Variants in MICAL2 observed in about 807,000 individuals in gnomAD.
MICAL2 encodes microtubule associated monooxygenase, calponin and LIM domain containing 2.
Under a neutral mutation model 127.3 loss-of-function variants are expected in MICAL2, and 77 were observed. That is an observed-to-expected ratio of 0.60 (90% CI 0.50 to 0.73). The LOEUF is 0.73. MICAL2 is among the 30% of genes least tolerant of loss of function. MICAL2 has a pLI of 0.00. For missense variants in MICAL2, 1,351 were observed against 1,434.4 expected, an observed-to-expected ratio of 0.94 and a Z score of 0.94; for synonymous variants, 570 against 551.1, an observed-to-expected ratio of 1.03 and a Z score of -0.48.
intron 4 of MICAL2, among the ~76,000 whole-genome samples, chr11:12,206,453 A>G (rs3860200): frequency 0.56 from 84,527 of 152,028 alleles, 24,949 homozygotes; most frequent in African/African-American, 0.77. Context: ...TTTATTGAGC[A>G]CCTACTGTGT....
At chr11:12,327,237 G>A (rs964658377) in exon 32 of MICAL2, 4 of 1,550,936 alleles carry the variant, frequency 2.6e-6, no homozygotes, top group African/African-American at 2.7e-5. Flanking sequence ...CAGGGTGTGA[G>A]GCTGGAGAAG....
intron 26 of MICAL2, chr11:12,261,730 T>C: frequency 3.0e-6 from 3 of 985,452 alleles, no homozygotes; most frequent in Non-Finnish European, 3.6e-6. Flanking sequence ...CTGAAATCCT[T>C]GGGAAAAACA....
intron 24 of MICAL2, chr11:12,257,190 G>A: frequency 6.0e-6 from 3 of 498,100 alleles, no homozygotes; most frequent in Non-Finnish European, 1.0e-5. Flanking sequence ...CTGTGGTACG[G>A]CATACCAGGT....
chr11:12,330,877 G>A (rs1388444680), intron 32 of MICAL2, among the ~76,000 whole-genome samples: 5 of 140,028 alleles, frequency 3.6e-5, no homozygotes, highest in Non-Finnish European at 6.2e-5. Flanking sequence ...GAGAGAGAGA[G>A]AGAGACAGAG....
chr11:12,192,423 A>T (rs1277695965), intron 3 of MICAL2, among the ~76,000 whole-genome samples: 1 of 152,126 alleles, frequency 6.6e-6, no homozygotes, highest in Non-Finnish European at 1.5e-5. Flanking sequence ...ATGTCCCCAA[A>T]TGGGATGGAC....
intron 31 of MICAL2, among the ~76,000 whole-genome samples, chr11:12,325,107 GT>G (rs901543753): frequency 6.6e-6 from 1 of 151,744 alleles, no homozygotes; most frequent in African/African-American, 2.4e-5. Flanking sequence ...GTTGTTTTTT[GT>G]TTTTTGGTTT....
intron 8 of MICAL2, 59 bp from the exon 9 acceptor site, chr11:12,220,142 G>A (rs1230628675): frequency 1.1e-5 from 18 of 1,599,058 alleles, no homozygotes; most frequent in East Asian, 4.5e-5. Context: ...CAAGAGGTGG[G>A]TATGAAGGCT....
intron 29 of MICAL2, among the ~76,000 whole-genome samples, chr11:12,306,203 C>T (rs1864107127): frequency 6.6e-6 from 1 of 152,176 alleles, no homozygotes; most frequent in Non-Finnish European, 1.5e-5. Flanking sequence ...GTCACTAATC[C>T]CACATGGCTA....
chr11:12,298,779 T>C (rs1864014393), intron 29 of MICAL2, among the ~76,000 whole-genome samples: 1 of 152,198 alleles, frequency 6.6e-6, no homozygotes, highest in Non-Finnish European at 1.5e-5. Context: ...ATTTGATTAA[T>C]ATTACGAATT....
At chr11:12,345,995 T>C (rs1041582326) in intron 32 of MICAL2, among the ~76,000 whole-genome samples, 31 of 152,354 alleles carry the variant, frequency 2.0e-4, no homozygotes, top group African/African-American at 6.3e-4. Flanking sequence ...TAAAGGTCTG[T>C]CATGTAAAAT....
At chr11:12,179,045 G>T (rs1383094047) in intron 3 of MICAL2, among the ~76,000 whole-genome samples, 1 of 152,096 alleles carries the variant, frequency 6.6e-6, no homozygotes, top group Non-Finnish European at 1.5e-5. Flanking sequence ...CTCCAGTCCA[G>T]TACTGGCCCC....
At chr11:12,311,810 T>G (rs1864177479) in intron 29 of MICAL2, among the ~76,000 whole-genome samples, 1 of 152,218 alleles carries the variant, frequency 6.6e-6, no homozygotes, top group Non-Finnish European at 1.5e-5. Flanking sequence ...AGCTTTTTGT[T>G]TTAATATTGG....
chr11:12,273,718 C>A (rs535312737), upstream of MICAL2, among the ~76,000 whole-genome samples: 7 of 152,076 alleles, frequency 4.6e-5, no homozygotes, highest in Admixed American at 6.6e-5. Flanking sequence ...GCATGGAGAA[C>A]CCAGGTGTTT....
At chr11:12,219,566 G>A (rs1856583702) in intron 8 of MICAL2, among the ~76,000 whole-genome samples, 1 of 147,194 alleles carries the variant, frequency 6.8e-6, no homozygotes, top group African/African-American at 2.5e-5. Flanking sequence ...GCTACGCTGT[G>A]AGAGCCCTCG....
At chr11:12,244,923 GTAC>G (rs1278178661) in intron 21 of MICAL2, among the ~76,000 whole-genome samples, 1 of 152,240 alleles carries the variant, frequency 6.6e-6, no homozygotes, top group Non-Finnish European at 1.5e-5. Flanking sequence ...TGTTCTAGAA[GTAC>G]AGCTCAGACA....
chr11:12,267,387 GCCCA>G (rs1368441996), downstream of MICAL2, among the ~76,000 whole-genome samples: 1 of 152,216 alleles, frequency 6.6e-6, no homozygotes, highest in East Asian at 1.9e-4. Flanking sequence ...TTGTTGCTCA[GCCCA>G]AAGGCCCTGG....
At chr11:12,335,598 A>T (rs1458255423) in intron 32 of MICAL2, among the ~76,000 whole-genome samples, 7 of 152,154 alleles carry the variant, frequency 4.6e-5, no homozygotes, top group Non-Finnish European at 1.0e-4. Flanking sequence ...TCTAACATGT[A>T]AGTCTTTAAT....
Position 12,253,000 on chromosome 11 carries a change from T to A in MICAL2, c.2848-2643T>A, listed in dbSNP as rs919207446. The A allele has an allele frequency of 3.9e-5, 6 of 152,082 alleles. No homozygotes were observed. In the East Asian group the frequency reaches 1.2e-3, roughly 29 times the overall value. The allele number at this position is 152,082 out of a possible 1,614,324, so 9.4% of individuals were successfully genotyped here. On this transcript the variant is annotated intron_variant, in intron 22 of 27. Coordinates refer to ENST00000683283, the MANE Select transcript of MICAL2 (RefSeq NM_001282663.2). ...TACGATCCTGGGATCAGGAGCAGTGTTTCTAGAATCTCATGCTATGTGTAT... is the reference window on the plus strand; with the variant it reads ...TACGATCCTGGGATCAGGAGCAGTGATTCTAGAATCTCATGCTATGTGTAT...
At chr11:12,158,813 T>A (rs769033135) in intron 2 of MICAL2, among the ~76,000 whole-genome samples, 2 of 152,208 alleles carry the variant, frequency 1.3e-5, no homozygotes, top group African/African-American at 2.4e-5. Flanking sequence ...GAGGCCAAGA[T>A]GGATGAGGTA....
Sources: allele counts gnomAD v4.1 joint callset (sites outside exome capture counted in the v4.1 genomes callset), GRCh38; gene constraint gnomAD v4.1.1; transcripts MANE v1.5; gene names NCBI Gene and HGNC (gene_info 2026-07-23, HGNC 2026-07-21).